SMAD3: variants seen among roughly 807,000 people sequenced by gnomAD.
SMAD3 encodes MAD homolog 3.
In SMAD3, 12 loss-of-function variants were observed where a neutral mutation model predicts 51.8. The ratio of observed to expected loss-of-function variants is 0.23; its 90% CI spans 0.15 to 0.38. The LOEUF (loss-of-function observed/expected upper bound fraction) is 0.38. SMAD3 is among the 10% of genes least tolerant of loss of function. The pLI is 1.00. For missense variants in SMAD3, 294 were observed against 565.6 expected, an observed-to-expected ratio of 0.52 and a Z score of 4.87; for synonymous variants, 238 against 227.7, an observed-to-expected ratio of 1.05 and a Z score of -0.41.
intron 4 of SMAD3, 80 bp downstream of exon 4, chr15:67,166,933 C>A: frequency 9.8e-7 from 1 of 1,021,670 alleles, no homozygotes; most frequent in Non-Finnish European, 1.5e-6. Flanking sequence ...TTCCTCTTCG[C>A]CCTCTCCCTC....
intron 1 of SMAD3, among the ~76,000 whole-genome samples, chr15:67,078,655 G>A (rs1960219893): frequency 6.6e-6 from 1 of 152,164 alleles, no homozygotes; most frequent in Non-Finnish European, 1.5e-5. Context: ...AAAAGATTGA[G>A]TTTCATGTCC....
intron 1 of SMAD3, among the ~76,000 whole-genome samples, chr15:67,148,962 G>T (rs1304200709): frequency 6.6e-6 from 1 of 152,230 alleles, no homozygotes; most frequent in Non-Finnish European, 1.5e-5. Context: ...GGGAAGGGAA[G>T]TCAGAAACAC....
At chr15:67,084,649 C>T (rs1960351111) in intron 1 of SMAD3, among the ~76,000 whole-genome samples, 1 of 152,132 alleles carries the variant, frequency 6.6e-6, no homozygotes, top group Admixed American at 6.5e-5. Flanking sequence ...AGGATGGTCA[C>T]ACATAGCTCT....
intron 1 of SMAD3, among the ~76,000 whole-genome samples, chr15:67,125,185 T>G (rs1961354306): frequency 6.6e-6 from 1 of 152,170 alleles, no homozygotes; most frequent in Non-Finnish European, 1.5e-5. Context: ...GGCCGGACCT[T>G]CCCCTCTGGA....
intron 1 of SMAD3, 137 bp downstream of exon 1, chr15:67,066,497 G>C (rs1959922042): frequency 2.8e-6 from 2 of 725,366 alleles, no homozygotes; most frequent in Admixed American, 2.5e-5. Flanking sequence ...GTGTGTGTGA[G>C]AGTGGGAGAG....
At chr15:67,116,054 T>A (rs555256668) in intron 1 of SMAD3, among the ~76,000 whole-genome samples, 1 of 152,108 alleles carries the variant, frequency 6.6e-6, no homozygotes, top group Non-Finnish European at 1.5e-5. Context: ...CAGAGAGAAA[T>A]CCACCCGAAG....
At position 67,150,847 on chromosome 15, in the gene SMAD3, CTTTTTTTTTTT is replaced by C. The variant is rs58914503; in HGVS notation, c.207-14032_207-14022del. Among the ~76,000 whole-genome samples, 14 of 14,672 alleles carry C rather than the reference CTTTTTTTTTTT, an allele frequency of 9.5e-4. No homozygotes were observed. In the South Asian group the frequency reaches 0.037, roughly 39 times the overall value. The allele number at this position is 14,672 out of a possible 152,430, so 9.6% of individuals were successfully genotyped here. On this transcript the variant is annotated intron_variant, in intron 1 of 8. Coordinates refer to ENST00000327367, the MANE Select transcript of SMAD3 (RefSeq NM_005902.4). ...TAAGAGAGCAAAGCTATTTCTCAGT[CTTTTTTTTTTT>C]TTTTTTTTTTTTTTTGAGATGGAGT...
At chr15:67,107,305 C>G (rs1960900891) in intron 1 of SMAD3, among the ~76,000 whole-genome samples, 1 of 152,202 alleles carries the variant, frequency 6.6e-6, no homozygotes. Context: ...AGAGAAGTAG[C>G]TTTATCTGGG....
chr15:67,077,070 T>A (rs1226822689), intron 1 of SMAD3, among the ~76,000 whole-genome samples: 1 of 152,198 alleles, frequency 6.6e-6, no homozygotes, highest in Non-Finnish European at 1.5e-5. Flanking sequence ...CAGGGAATCC[T>A]AAACTCAAAC....
chr15:67,189,038 G>A (rs1038231667), intron 8 of SMAD3, among the ~76,000 whole-genome samples: 2 of 152,240 alleles, frequency 1.3e-5, no homozygotes, highest in African/African-American at 4.8e-5. Flanking sequence ...GGCCTGAAGA[G>A]ATCAGCCCAG....
chr15:67,190,295 G>T lies in SMAD3; in HGVS notation c.1155-118G>T. 3.1e-6 allele frequency: 3 copies of T among 957,986 alleles called. No individual in the cohort carries two copies. The Admixed American group carries it at 5.3e-5, about 17-fold the overall frequency. 59.3% of individuals were successfully genotyped at this position (957,986 alleles called of 1,614,324 possible). On this transcript the variant is annotated intron_variant, in intron 8 of 8. Coordinates refer to ENST00000327367, the MANE Select transcript of SMAD3 (RefSeq NM_005902.4). ...TTACTGGTACCGCTTCTAGGACAGC[G>T]TCTAACAGCATCTTTGGGAAGATGA...
intron 1 of SMAD3, among the ~76,000 whole-genome samples, chr15:67,139,423 A>G (rs555173728): frequency 9.9e-5 from 15 of 152,270 alleles, no homozygotes; most frequent in African/African-American, 3.4e-4. Context: ...TCCTCCCTCA[A>G]TGAAATCATT....
chr15:67,113,116 C>T (rs1246744022), intron 1 of SMAD3, among the ~76,000 whole-genome samples: 3 of 76,982 alleles, frequency 3.9e-5, no homozygotes, highest in Non-Finnish European at 8.4e-5. Flanking sequence ...CAGAGTCTTG[C>T]TCTGTCACCC....
intron 6 of SMAD3, among the ~76,000 whole-genome samples, chr15:67,182,996 A>ATATATAT (rs1429510155): frequency 1.3e-4 from 7 of 55,324 alleles, no homozygotes; most frequent in African/African-American, 4.1e-4. Flanking sequence ...TAAAAAAAAA[A>ATATATAT]AAAAATATAT....
chr15:67,189,956 C>G (rs1963316813), intron 8 of SMAD3, among the ~76,000 whole-genome samples: 1 of 152,148 alleles, frequency 6.6e-6, no homozygotes. Context: ...ACCCCTCAAT[C>G]AGACAGACAC....
chr15:67,145,338 A>AG (rs1056838156), intron 1 of SMAD3, among the ~76,000 whole-genome samples: 2 of 152,192 alleles, frequency 1.3e-5, no homozygotes, highest in African/African-American at 4.8e-5. Flanking sequence ...CAATCCACGA[A>AG]GGGGGGAGTT....
intron 1 of SMAD3, among the ~76,000 whole-genome samples, chr15:67,149,407 G>A (rs913252501): frequency 2.6e-5 from 4 of 152,280 alleles, no homozygotes; most frequent in Middle Eastern, 3.4e-3. Flanking sequence ...GACCCAGCGG[G>A]AGGACGCCTC....
chr15:67,185,160 C>T (rs926807436), intron 7 of SMAD3, among the ~76,000 whole-genome samples: 1 of 152,184 alleles, frequency 6.6e-6, no homozygotes, highest in African/African-American at 2.4e-5. Context: ...ATTCATTGCA[C>T]AAACAGCATG....
intron 1 of SMAD3, among the ~76,000 whole-genome samples, chr15:67,162,946 GTGA>G (rs57597599): frequency 0.33 from 47,561 of 145,264 alleles, 7,852 homozygotes; most frequent in East Asian, 0.39. Flanking sequence ...GTAGGTTTCT[GTGA>G]TGATGATGAT....
Sources: gnomAD v4.1 joint callset for allele counts (sites outside exome capture counted in the v4.1 genomes callset) on GRCh38, gnomAD v4.1.1 for gene constraint, MANE v1.5 for transcripts, NCBI Gene and HGNC (gene_info 2026-07-23, HGNC 2026-07-21) for gene names.